The following DCC variants were observed in gnomAD, a reference collection of about 807,000 sequenced individuals.
DCC encodes DCC netrin 1 receptor.
DCC carries 58 observed loss-of-function variants against 172.5 expected under a neutral mutation model. That is an observed-to-expected ratio of 0.34 (90% CI 0.27 to 0.42). DCC has a LOEUF of 0.42. DCC is among the 10% of genes least tolerant of loss of function. DCC has a pLI of 1.00. For synonymous variants in DCC, 709 were observed against 644.5 expected (o/e 1.10, Z -1.52); for missense variants, 1,740 against 1,791.0 (o/e 0.97, Z 0.51).
At chr18:53,381,794 T>G (rs1250611854) in intron 15 of DCC, among the ~76,000 whole-genome samples, 3 of 152,032 alleles carry the variant, frequency 2.0e-5, no homozygotes, top group African/African-American at 7.2e-5. Context: ...ATTTATTGTA[T>G]TTATTGTATT....
chr18:53,125,644 A>G (rs2043545086), intron 7 of DCC, among the ~76,000 whole-genome samples: 1 of 151,988 alleles, frequency 6.6e-6, no homozygotes, highest in Non-Finnish European at 1.5e-5. Flanking sequence ...CATAGAATAC[A>G]CTCTCATGGT....
intron 8 of DCC, among the ~76,000 whole-genome samples, chr18:53,158,711 C>G (rs2054787119): frequency 6.6e-6 from 1 of 151,904 alleles, no homozygotes; most frequent in African/African-American, 2.4e-5. Flanking sequence ...AGGAAAGAGG[C>G]TGGGCAAGGT....
chr18:52,931,507 T>A (rs2040306276), intron 5 of DCC, among the ~76,000 whole-genome samples: 1 of 152,122 alleles, frequency 6.6e-6, no homozygotes, highest in Non-Finnish European at 1.5e-5. Context: ...ACTAACAGAC[T>A]TTTCAAGTAG....
At chr18:52,566,302 G>T (rs2033158910) in intron 1 of DCC, among the ~76,000 whole-genome samples, 1 of 152,084 alleles carries the variant, frequency 6.6e-6, no homozygotes, top group African/African-American at 2.4e-5. Flanking sequence ...ATTCGTAAGT[G>T]GGAGTTGAAC....
At chr18:52,647,469 G>C (rs1406184642) in intron 1 of DCC, among the ~76,000 whole-genome samples, 2 of 152,300 alleles carry the variant, frequency 1.3e-5, no homozygotes, top group South Asian at 2.1e-4. Flanking sequence ...AGCAAGTTCA[G>C]GTTTTGCAGG....
intron 15 of DCC, among the ~76,000 whole-genome samples, chr18:53,376,238 G>T (rs566750772): frequency 1.8e-3 from 275 of 152,098 alleles, no homozygotes; most frequent in African/African-American, 5.9e-3. Flanking sequence ...CTGAAAATCA[G>T]CCGGGCGTGT....
intron 9 of DCC, among the ~76,000 whole-genome samples, chr18:53,204,663 A>G (rs1259872870): frequency 6.6e-6 from 1 of 152,216 alleles, no homozygotes; most frequent in African/African-American, 2.4e-5. Flanking sequence ...AAAATGTAAT[A>G]CTAAAAAGTG....
At chr18:53,180,583 T>C (rs2055178799) in intron 9 of DCC, among the ~76,000 whole-genome samples, 1 of 152,246 alleles carries the variant, frequency 6.6e-6, no homozygotes, top group South Asian at 2.1e-4. Flanking sequence ...TTCTGGGCAA[T>C]GTTTTGTTGC....
intron 5 of DCC, among the ~76,000 whole-genome samples, chr18:53,061,296 C>T (rs1008354240): frequency 3.3e-5 from 5 of 151,970 alleles, no homozygotes; most frequent in African/African-American, 9.7e-5. Flanking sequence ...TTCTCTTCTC[C>T]CTCTATATTC....
intron 1 of DCC, among the ~76,000 whole-genome samples, chr18:52,702,277 G>C (rs561330782): frequency 1.3e-5 from 2 of 152,104 alleles, no homozygotes; most frequent in Non-Finnish European, 2.9e-5. Flanking sequence ...TGTTATAGTT[G>C]TCCACCAACC....
intron 1 of DCC, among the ~76,000 whole-genome samples, chr18:52,579,020 C>T (rs1241965704): frequency 6.6e-6 from 1 of 152,074 alleles, no homozygotes; most frequent in Non-Finnish European, 1.5e-5. Context: ...TGTTAAGCAA[C>T]TGAACTTTAG....
At chr18:52,581,808 T>C (rs949444264) in intron 1 of DCC, among the ~76,000 whole-genome samples, 27 of 152,312 alleles carry the variant, frequency 1.8e-4, no homozygotes, top group Admixed American at 1.0e-3. Flanking sequence ...ATGCTCAAAC[T>C]GTCTTTGGAA....
chr18:52,934,211 A>T (rs532626619), intron 5 of DCC, among the ~76,000 whole-genome samples: 1 of 152,224 alleles, frequency 6.6e-6, no homozygotes, highest in African/African-American at 2.4e-5. Context: ...AGTGATCAAT[A>T]TAACAGTATC....
At chr18:52,527,433 T>C (rs1281295616) in intron 1 of DCC, among the ~76,000 whole-genome samples, 1 of 152,250 alleles carries the variant, frequency 6.6e-6, no homozygotes, top group Non-Finnish European at 1.5e-5. Context: ...TTATTGGTTA[T>C]GATTTATGGA....
chr18:52,998,918 A>G (rs1408178200), intron 5 of DCC, among the ~76,000 whole-genome samples: 1 of 152,086 alleles, frequency 6.6e-6, no homozygotes, highest in Non-Finnish European at 1.5e-5. Flanking sequence ...GCCTTAATAA[A>G]CAAAGTATAA....
intron 12 of DCC, among the ~76,000 whole-genome samples, chr18:53,271,509 G>T (rs1331032128): frequency 6.6e-6 from 1 of 152,118 alleles, no homozygotes; most frequent in East Asian, 1.9e-4. Context: ...GGGAAGGTCT[G>T]CTTCAAAGCT....
At chr18:52,827,596 G>A (rs150646358) in intron 2 of DCC, among the ~76,000 whole-genome samples, 1,666 of 152,282 alleles carry the variant, frequency 0.011, 12 homozygotes, top group Non-Finnish European at 0.016. Flanking sequence ...AAATGCACCT[G>A]CATAAATTCT....
At chr18:52,860,679 G>C (rs2039127373) in intron 2 of DCC, among the ~76,000 whole-genome samples, 1 of 152,220 alleles carries the variant, frequency 6.6e-6, no homozygotes, top group Admixed American at 6.5e-5. Flanking sequence ...AGCAAGAATA[G>C]TGATTGGCCA....
chr18:53,140,405 T>C (rs867727122), intron 7 of DCC, among the ~76,000 whole-genome samples: 1 of 152,174 alleles, frequency 6.6e-6, no homozygotes, highest in Non-Finnish European at 1.5e-5. Flanking sequence ...GGTGGCATTT[T>C]TATGAGAGGA....
Sources: gnomAD v4.1 joint callset for allele counts (sites outside exome capture counted in the v4.1 genomes callset) on GRCh38, gnomAD v4.1.1 for gene constraint, MANE v1.5 for transcripts, NCBI Gene and HGNC (gene_info 2026-07-23, HGNC 2026-07-21) for gene names.